The following PPARG variants were observed in gnomAD, a reference collection of about 807,000 sequenced individuals.
The protein encoded by PPARG is peroxisome proliferator activated receptor gamma, also known as peroxisome proliferator-activated receptor gamma.
In PPARG, 17 loss-of-function variants were observed where a neutral mutation model predicts 39.2. That is an observed-to-expected ratio of 0.43 (90% CI 0.30 to 0.65). The LOEUF (loss-of-function observed/expected upper bound fraction) is 0.65. Among genes scored for constraint, PPARG ranks in the 30% least tolerant of loss-of-function variants. The probability of loss-of-function intolerance (pLI) is 0.13; values close to 1 mark genes in which losing one functional copy is unlikely to be tolerated. For missense variants in PPARG, 406 were observed against 585.9 expected, an observed-to-expected ratio of 0.69 and a Z score of 3.17; for synonymous variants, 223 against 215.7, an observed-to-expected ratio of 1.03 and a Z score of -0.30.
chr3:12,407,788 A>G (rs902918889), intron 6 of PPARG, among the ~76,000 whole-genome samples: 2 of 152,262 alleles, frequency 1.3e-5, no homozygotes, highest in Non-Finnish European at 2.9e-5. Flanking sequence ...AAGGAAACTT[A>G]TGGCATAAAG....
chr3:12,390,636 C>A (rs1040646180), intron 4 of PPARG, among the ~76,000 whole-genome samples: 2 of 69,186 alleles, frequency 2.9e-5, no homozygotes, highest in Non-Finnish European at 2.6e-5. Context: ...GTATTTTCTT[C>A]CTTTTTTTTT....
At chr3:12,397,961 A>G (rs993223025) in intron 5 of PPARG, among the ~76,000 whole-genome samples, 4 of 151,970 alleles carry the variant, frequency 2.6e-5, no homozygotes, top group African/African-American at 9.7e-5. Context: ...AAAATGGCTT[A>G]TGCTTGGATA....
chr3:12,430,560 C>T (rs2051625837), intron 7 of PPARG, among the ~76,000 whole-genome samples: 1 of 152,208 alleles, frequency 6.6e-6, no homozygotes, highest in Non-Finnish European at 1.5e-5. Context: ...TAAAGTATGA[C>T]CTCATGGGGT....
At chr3:12,358,654 TATG>T (rs2048741414) in intron 2 of PPARG, among the ~76,000 whole-genome samples, 1 of 152,168 alleles carries the variant, frequency 6.6e-6, no homozygotes, top group African/African-American at 2.4e-5. Flanking sequence ...TGGATTAAAA[TATG>T]ATGCTAATAA....
Position 12,425,397 on chromosome 3 carries a change from C to T in PPARG, c.1180+8243C>T, listed in dbSNP as rs150288138. Among the ~76,000 whole-genome samples the T allele has an allele frequency of 3.6e-3, 542 of 152,236 alleles. 6 individuals are homozygous for T. Among genetic ancestry groups the T allele is most frequent in the Non-Finnish European group, 2.6e-3 (175 of 68,012 alleles). On this transcript the variant is annotated intron_variant, in intron 7 of 7. Transcript: ENST00000651735. ...AGTGGAGAGAAGTCATACCTGGCAGCTTTTAACTTCACTTACTGCCCTTCA... is the reference window on the plus strand; with the variant it reads ...AGTGGAGAGAAGTCATACCTGGCAGTTTTTAACTTCACTTACTGCCCTTCA...
At chr3:12,354,204 G>A (rs1449784674) in intron 2 of PPARG, among the ~76,000 whole-genome samples, 2 of 152,172 alleles carry the variant, frequency 1.3e-5, no homozygotes, top group Non-Finnish European at 1.5e-5. Context: ...GAAGTTTAAA[G>A]GGACCCATGT....
At chr3:12,423,314 C>T (rs567853670) in intron 7 of PPARG, among the ~76,000 whole-genome samples, 2 of 152,206 alleles carry the variant, frequency 1.3e-5, no homozygotes, top group East Asian at 1.9e-4. Flanking sequence ...AACAGAATAA[C>T]CCTGATGCAG....
At chr3:12,351,731 A>G (rs1200407518) in intron 2 of PPARG, 1 of 1,363,944 alleles carries the variant, frequency 7.3e-7, no homozygotes, top group East Asian at 2.3e-5. Context: ...TGTAAGGGTA[A>G]AATTGCTCTT....
intron 5 of PPARG, among the ~76,000 whole-genome samples, chr3:12,398,466 A>G (rs979948606): frequency 2.6e-5 from 4 of 152,248 alleles, no homozygotes; most frequent in Non-Finnish European, 5.9e-5. Flanking sequence ...TGTGTTAGAG[A>G]TGCCTATAGA....
At chr3:12,331,516 T>C (rs1004229313) in intron 2 of PPARG, among the ~76,000 whole-genome samples, 2 of 152,068 alleles carry the variant, frequency 1.3e-5, no homozygotes, top group African/African-American at 4.8e-5. Context: ...AAAGTCAAAA[T>C]AGAGTTTAAA....
chr3:12,405,874 C>T lies in PPARG; in HGVS notation c.530-8C>T. 1.2e-6 allele frequency: 2 copies of T among 1,612,442 alleles called. No homozygotes were observed. Among genetic ancestry groups the T allele is most frequent in the South Asian group, 1.1e-5 (1 of 91,050 alleles). ...ATGATTCATCCTGTCATTCCTCTTC[C>T]TCTATAGCCATCAGGTTTGGGCGGA... is the stretch of plus-strand genomic sequence containing the variant. On this transcript the variant is annotated splice_polypyrimidine_tract_variant and splice_region_variant and intron_variant, in intron 5 of 7. Coordinates refer to ENST00000651735, the MANE Select transcript of PPARG (RefSeq NM_138711.6).
intron 1 of PPARG, among the ~76,000 whole-genome samples, 156 bp from the exon 2 acceptor site, chr3:12,312,224 T>C (rs932050524): frequency 1.3e-5 from 2 of 152,248 alleles, no homozygotes; most frequent in Non-Finnish European, 2.9e-5. Context: ...ATAGAAAGCA[T>C]TGTAGGCTCA....
At chr3:12,288,547 G>A (rs1268493606), upstream of PPARG, among the ~76,000 whole-genome samples, 1 of 152,056 alleles carries the variant, frequency 6.6e-6, no homozygotes, top group African/African-American at 2.4e-5. Flanking sequence ...TGGACCCGGG[G>A]AAGCGAAGAT....
chr3:12,399,223 A>G (rs974975207), intron 5 of PPARG: 5 of 391,478 alleles, frequency 1.3e-5, no homozygotes, highest in Admixed American at 1.2e-4. Context: ...TGTTTTGCTC[A>G]TCTTCATTTT....
intron 2 of PPARG, among the ~76,000 whole-genome samples, chr3:12,355,281 G>A (rs1460733203): frequency 6.6e-6 from 1 of 151,934 alleles, no homozygotes; most frequent in African/African-American, 2.4e-5. Flanking sequence ...GACTACAGGC[G>A]TACCTTACCA....
At chr3:12,318,366 A>C (rs1403559393) in intron 2 of PPARG, among the ~76,000 whole-genome samples, 3 of 152,220 alleles carry the variant, frequency 2.0e-5, no homozygotes, top group African/African-American at 7.2e-5. Flanking sequence ...CTAAGTTGCT[A>C]GTTATTAGGA....
intron 2 of PPARG, among the ~76,000 whole-genome samples, chr3:12,337,972 C>T (rs984522769): frequency 1.1e-4 from 17 of 152,100 alleles, no homozygotes; most frequent in Non-Finnish European, 2.1e-4. Flanking sequence ...TTTGTATCCA[C>T]AACGTCCTGG....
chr3:12,323,761 A>G (rs1435781285), intron 2 of PPARG, among the ~76,000 whole-genome samples: 2 of 136,698 alleles, frequency 1.5e-5, no homozygotes, highest in African/African-American at 3.2e-5. Context: ...CAAGAAGAAT[A>G]AAAAAAAAAA....
At chr3:12,363,159 A>G (rs1575059713) in intron 2 of PPARG, among the ~76,000 whole-genome samples, 1 of 152,134 alleles carries the variant, frequency 6.6e-6, no homozygotes, top group East Asian at 1.9e-4. Context: ...GGCTCAAGTA[A>G]TCCTCCCACC....
Sources: gnomAD v4.1 joint callset for allele counts (sites outside exome capture counted in the v4.1 genomes callset) on GRCh38, gnomAD v4.1.1 for gene constraint, MANE v1.5 for transcripts, NCBI Gene and HGNC (gene_info 2026-07-23, HGNC 2026-07-21) for gene names.